The following RALGDS variants were observed in gnomAD, a reference collection of about 807,000 sequenced individuals.
The protein encoded by RALGDS is ral guanine nucleotide dissociation stimulator, also known as ral guanine nucleotide exchange factor.
Under a neutral mutation model 99.8 loss-of-function variants are expected in RALGDS, and 44 were observed. That is an observed-to-expected ratio of 0.44 (90% CI 0.35 to 0.57). The LOEUF (loss-of-function observed/expected upper bound fraction) is 0.57. RALGDS is among the 20% of genes least tolerant of loss of function. RALGDS has a pLI of 0.01. For synonymous variants in RALGDS, 529 were observed against 505.0 expected (o/e 1.05, Z -0.64); for missense variants, 1,022 against 1,203.1 (o/e 0.85, Z 2.23).
chr9:133,126,613 C>T lies in RALGDS; in HGVS notation c.132+4339G>A, dbSNP rs541307844. 9.8e-5 allele frequency among the ~76,000 whole-genome samples: 15 copies of T among 152,312 alleles called. No individual in the cohort carries two copies. In the South Asian group the frequency reaches 2.9e-3, roughly 29 times the overall value. Reference sequence around the variant, plus strand: ...AACTGTCCCCCACTCCCGCAGTGCCCAGTGCCCGACACCCTGGGGAGTCAC... The same window carrying T: ...AACTGTCCCCCACTCCCGCAGTGCCTAGTGCCCGACACCCTGGGGAGTCAC... On this transcript the variant is annotated intron_variant, in intron 1 of 17. Transcript: ENST00000372062.
In RALGDS at chr9:133,105,875, C is replaced by CTG. The variant is rs1293249244; in HGVS notation, c.1602+56_1602+57insCA. ...CCCCCGCCCCAGCCCCAGCCCCCGC[C>CTG]CCAGCCCCCGCCCCAGCCCCCGCCC... is the stretch of plus-strand genomic sequence containing the variant. On this transcript the variant is annotated intron_variant, in intron 9 of 17. Transcript: ENST00000372050. The CTG allele has an allele frequency of 1.8e-4, 10 of 55,702 alleles. 1 individual carries two copies. The highest frequency in any genetic ancestry group is 6.0e-4 in the Admixed American group (2 of 3,332). The allele number at this position is 55,702 out of a possible 1,614,324, so 3.5% of individuals were successfully genotyped here. A position where few individuals can be genotyped will look rare whatever the true frequency, so the allele number is the denominator to read the frequency against.
intron 16 of RALGDS, chr9:133,100,918 G>A: frequency 9.5e-7 from 1 of 1,048,134 alleles, no homozygotes; most frequent in Non-Finnish European, 1.2e-6. Context: ...AGGAGCGTGT[G>A]TGAATAATGG....
chr9:133,101,062 A>C, intron 16 of RALGDS: 11 of 1,080,632 alleles, frequency 1.0e-5, no homozygotes, highest in Non-Finnish European at 1.2e-5. Context: ...CTGTCTCCAA[A>C]TCCTGTCTAG....
At chr9:133,100,034 C>T (rs1830680708) in intron 17 of RALGDS, 1 of 596,130 alleles carries the variant, frequency 1.7e-6, no homozygotes. Context: ...CTTTGCTCCT[C>T]ACTGATGTGA....
chr9:133,146,750 C>A (rs1022942359), intron 1 of RALGDS, among the ~76,000 whole-genome samples: 1 of 152,236 alleles, frequency 6.6e-6, no homozygotes, highest in African/African-American at 2.4e-5. Flanking sequence ...CACCTTCACC[C>A]CTCACTCTGG....
In RALGDS at chr9:133,120,984, C is replaced by T. The variant is rs1466048129; in HGVS notation, c.171G>A (p.Leu57=). The T allele has an allele frequency of 2.0e-6, 3 of 1,485,146 alleles. No individual in the cohort carries two copies. Among genetic ancestry groups the T allele is most frequent in the Non-Finnish European group, 2.7e-6 (3 of 1,123,850 alleles). 92.0% of individuals were successfully genotyped at this position (1,485,146 alleles called of 1,614,324 possible). A position where few individuals can be genotyped will look rare whatever the true frequency, so the allele number is the denominator to read the frequency against. Residue 57 remains leucine, a synonymous_variant, in exon 1 of 18, where the codon CTG becomes CTA. Coordinates refer to ENST00000372050, the MANE Select transcript of RALGDS (RefSeq NM_006266.4). ...CCAGCTCACCCACCTCCGGGCGCGGCAGGTCGGGGTCTAGCTGCGTGAAGC... is the reference window on the plus strand; with the variant it reads ...CCAGCTCACCCACCTCCGGGCGCGGTAGGTCGGGGTCTAGCTGCGTGAAGC... ...LHSFTQLDPD[L]PRPESSTQEI...
chr9:133,106,796 C>T (rs751404604), intron 7 of RALGDS, 48 bp from the exon 8 acceptor site: 1 of 1,425,212 alleles, frequency 7.0e-7, no homozygotes. Flanking sequence ...GAGCTCCCAG[C>T]TTGCCTGGCC....
chr9:133,142,930 C>G (rs911506170), intron 1 of RALGDS, among the ~76,000 whole-genome samples: 1 of 152,230 alleles, frequency 6.6e-6, no homozygotes, highest in Non-Finnish European at 1.5e-5. Flanking sequence ...CACGGGGAGG[C>G]GCCATTGCCA....
upstream of RALGDS, among the ~76,000 whole-genome samples, chr9:133,124,109 GACAC>G (rs1308621088): frequency 1.3e-5 from 1 of 77,696 alleles, no homozygotes; most frequent in South Asian, 3.0e-4. Context: ...TGCACACACA[GACAC>G]ACACATAGAG....
chr9:133,124,901 C>T (rs1832098468), upstream of RALGDS, among the ~76,000 whole-genome samples: 1 of 152,218 alleles, frequency 6.6e-6, no homozygotes, highest in African/African-American at 2.4e-5. Flanking sequence ...CAAGGCAGGC[C>T]TCTGCATATA....
intron 17 of RALGDS, 27 bp downstream of exon 17, chr9:133,100,241 C>T (rs1830689227): frequency 6.2e-7 from 1 of 1,602,268 alleles, no homozygotes; most frequent in Non-Finnish European, 8.6e-7. Context: ...GCCCCCTCTG[C>T]CATCGCCCTC....
chr9:133,101,480 C>A, intron 16 of RALGDS, 40 bp downstream of exon 16: 1 of 1,608,768 alleles, frequency 6.2e-7, no homozygotes, highest in Middle Eastern at 1.6e-4. Context: ...GCATTTGCCG[C>A]CAGTGGAGGG....
At position 133,108,213 on chromosome 9, in the gene RALGDS, T is replaced by A. The variant is rs1564235102; in HGVS notation, c.972A>T (p.Gly324=). The A allele has an allele frequency of 6.2e-7, 1 of 1,612,916 alleles. No homozygotes were observed. The highest frequency in any genetic ancestry group is 2.2e-5 in the East Asian group (1 of 44,868). Residue 324 remains glycine (G), a synonymous_variant, in exon 6 of 18, where the codon GGA becomes GGT. Transcript: ENST00000372050. The stretch of plus-strand genomic sequence containing the variant: ...GAGCTGGCGCTGGAGCCGATTCTAG[T>A]CCCACAGCTGGCTCTGGAGCCTGCT... ...ELQQAPEPAV[G]LESAPAPALE...
intron 4 of RALGDS, among the ~76,000 whole-genome samples, chr9:133,109,069 C>T (rs1338998968): frequency 6.6e-6 from 1 of 152,218 alleles, no homozygotes; most frequent in Non-Finnish European, 1.5e-5. Context: ...CACAGCTCTG[C>T]ATGTCTCCCA....
intron 1 of RALGDS, among the ~76,000 whole-genome samples, chr9:133,116,140 G>A (rs1048883434): frequency 1.3e-5 from 2 of 152,298 alleles, no homozygotes; most frequent in Non-Finnish European, 2.9e-5. Flanking sequence ...CCTCGTGTCC[G>A]TGTCCGTGAC....
intron 1 of RALGDS, among the ~76,000 whole-genome samples, chr9:133,118,853 G>C (rs1448953664): frequency 6.6e-6 from 1 of 152,184 alleles, no homozygotes; most frequent in African/African-American, 2.4e-5. Flanking sequence ...CGGGTGTTTA[G>C]GTCAGAGACT....
chr9:133,098,513 G>A lies in RALGDS; in HGVS notation c.*74C>T. ...CCCTGGGCTGGCAGGTGGGAGGAAG[G>A]CGCCCAGCTGGCCTGGGCCACTCTG... On this transcript the variant is annotated 3_prime_UTR_variant, in exon 18 of 18. Transcript: ENST00000372050. The A allele has an allele frequency of 2.6e-6, 4 of 1,517,910 alleles. No homozygotes were observed. The highest frequency in any genetic ancestry group is 1.1e-5 in the South Asian group (1 of 87,486). 94.0% of individuals were successfully genotyped at this position (1,517,910 alleles called of 1,614,324 possible). A position where few individuals can be genotyped will look rare whatever the true frequency, so the allele number is the denominator to read the frequency against.
At chr9:133,142,866 T>G (rs934198754) in intron 1 of RALGDS, among the ~76,000 whole-genome samples, 9 of 152,212 alleles carry the variant, frequency 5.9e-5, no homozygotes, top group African/African-American at 2.2e-4. Context: ...GGAAGGCCAC[T>G]GTAATTGGAA....
intron 1 of RALGDS, among the ~76,000 whole-genome samples, chr9:133,141,108 G>A (rs981392135): frequency 6.6e-6 from 1 of 152,150 alleles, no homozygotes; most frequent in Non-Finnish European, 1.5e-5. Flanking sequence ...GGGTCACACA[G>A]TGAGCAAATG....
Sources: allele counts gnomAD v4.1 joint callset (sites outside exome capture counted in the v4.1 genomes callset), GRCh38; gene constraint gnomAD v4.1.1; transcripts MANE v1.5; gene names NCBI Gene and HGNC (gene_info 2026-07-23, HGNC 2026-07-21).